Variants in RPS6KC1 observed in about 807,000 individuals in gnomAD.
The protein encoded by RPS6KC1 is inactive ribosomal protein S6 kinase delta-1.
Under a neutral mutation model 103.8 loss-of-function variants are expected in RPS6KC1, and 54 were observed. The observed-to-expected ratio is 0.52, with a 90% CI of 0.42 to 0.65. The LOEUF (loss-of-function observed/expected upper bound fraction) is 0.65, where lower values mean the gene tolerates loss of function less well. Among genes scored for constraint, RPS6KC1 ranks in the 30% least tolerant of loss-of-function variants. The pLI is 0.00. For missense variants in RPS6KC1, 1,151 were observed against 1,253.8 expected (o/e 0.92, Z 1.24); for synonymous variants, 439 against 438.7 (o/e 1.00, Z -0.01).
chr1:213,751,813 T>A, the RPS6KC1 span, among the ~76,000 whole-genome samples: 1 of 152,166 alleles, frequency 6.6e-6, no homozygotes, highest in Non-Finnish European at 1.5e-5. Context: ...GGAGGTTAAA[T>A]GAGAAAATAT....
chr1:213,739,795 T>C, the RPS6KC1 span, among the ~76,000 whole-genome samples: 2 of 152,356 alleles, frequency 1.3e-5, no homozygotes, highest in East Asian at 3.9e-4. Flanking sequence ...AGTTAAGTGC[T>C]AGAAATTCAG....
At position 213,117,365 on chromosome 1, in the gene RPS6KC1, C is replaced by T. The variant is rs2083774879; in HGVS notation, c.427C>T (p.His143Tyr). ...TGAATTAATTGGTCCTGCTGAAGCT[C>T]ACTCAGATTCCCTCATTGATACCTT... Reference protein sequence around the residue: ...SSELIGPAEAHSDSLIDTFPE... With the variant: ...SSELIGPAEAYSDSLIDTFPE... Residue 143 changes from histidine to tyrosine, a missense_variant, in exon 5 of 15, where the codon CAC (histidine) becomes TAC (tyrosine). Physicochemically the swap from His to Tyr is moderately conservative, Grantham distance 83. Around this residue, in one of 3 missense-constraint regions of RPS6KC1, gnomAD observed 959 missense variants for 1,006.3 expected, o/e 0.95. Coordinates refer to ENST00000366960, the MANE Select transcript of RPS6KC1 (RefSeq NM_012424.6). The T allele has an allele frequency of 1.2e-6, 2 of 1,611,150 alleles. No individual in the cohort carries two copies. Among genetic ancestry groups the T allele is most frequent in the Non-Finnish European group, 1.7e-6 (2 of 1,177,738 alleles).
chr1:213,197,720 G>A (rs193147348), intron 8 of RPS6KC1, among the ~76,000 whole-genome samples: 2 of 152,070 alleles, frequency 1.3e-5, no homozygotes, highest in Non-Finnish European at 2.9e-5. Flanking sequence ...GAGTCTTTAG[G>A]GTTTTCTAGG....
At chr1:213,434,209 A>G in the RPS6KC1 span, among the ~76,000 whole-genome samples, 1 of 151,894 alleles carries the variant, frequency 6.6e-6, no homozygotes, top group Non-Finnish European at 1.5e-5. Flanking sequence ...CTTCTGCCTA[A>G]AGGACGTCCT....
chr1:213,705,621 AAAAC>A, the RPS6KC1 span, among the ~76,000 whole-genome samples: 2 of 152,236 alleles, frequency 1.3e-5, no homozygotes, highest in African/African-American at 4.8e-5. Flanking sequence ...CATAGAACGT[AAAAC>A]AAAGTGCCCA....
At chr1:213,824,058 C>A in the RPS6KC1 span, among the ~76,000 whole-genome samples, 1 of 152,124 alleles carries the variant, frequency 6.6e-6, no homozygotes, top group Admixed American at 6.5e-5. Flanking sequence ...CTCCTACTGT[C>A]CCCCCTGTCC....
the RPS6KC1 span, among the ~76,000 whole-genome samples, chr1:213,294,500 G>GA: frequency 1.3e-5 from 2 of 152,116 alleles, no homozygotes; most frequent in Non-Finnish European, 2.9e-5. Flanking sequence ...CTTCATAGCT[G>GA]AATTTCAGTC....
intron 4 of RPS6KC1, among the ~76,000 whole-genome samples, chr1:213,106,362 C>T (rs2082498946): frequency 6.6e-6 from 1 of 152,076 alleles, no homozygotes; most frequent in Admixed American, 6.5e-5. Context: ...TCAGTAATGT[C>T]ATCAGTGACA....
the RPS6KC1 span, among the ~76,000 whole-genome samples, chr1:213,787,928 G>C: frequency 6.6e-6 from 1 of 152,116 alleles, no homozygotes. Flanking sequence ...TGAGGGAGTG[G>C]AGGCCAGGAC....
At chr1:213,174,772 G>C (rs979433993) in intron 7 of RPS6KC1, among the ~76,000 whole-genome samples, 2 of 151,378 alleles carry the variant, frequency 1.3e-5, no homozygotes, top group African/African-American at 4.9e-5. Context: ...CCCTAAAAAG[G>C]TTCCCCTTAG....
the RPS6KC1 span, among the ~76,000 whole-genome samples, chr1:213,647,432 A>G: frequency 1.3e-5 from 2 of 152,206 alleles, no homozygotes; most frequent in Non-Finnish European, 2.9e-5. Context: ...TCCAGAAATA[A>G]TATGAGTGAA....
the RPS6KC1 span, among the ~76,000 whole-genome samples, chr1:213,308,331 AAAAG>A: frequency 4.6e-5 from 7 of 151,574 alleles, no homozygotes; most frequent in South Asian, 6.3e-4. Context: ...AAAAAAAAAA[AAAAG>A]AGAGAAAGAA....
At chr1:213,725,102 C>T in the RPS6KC1 span, among the ~76,000 whole-genome samples, 9 of 152,170 alleles carry the variant, frequency 5.9e-5, no homozygotes, top group African/African-American at 2.2e-4. Context: ...AACGTCTTAC[C>T]AGAGGACTAA....
intron 1 of RPS6KC1, among the ~76,000 whole-genome samples, chr1:213,066,004 G>C (rs1231850445): frequency 6.6e-6 from 1 of 152,186 alleles, no homozygotes; most frequent in Non-Finnish European, 1.5e-5. Flanking sequence ...TTTCTTATCT[G>C]TAAAAGGGGA....
the RPS6KC1 span, among the ~76,000 whole-genome samples, chr1:213,853,409 C>T: frequency 6.6e-6 from 1 of 152,186 alleles, no homozygotes; most frequent in South Asian, 2.1e-4. Context: ...CTTCATCTGT[C>T]AAATGAGGAT....
At chr1:213,677,947 A>G in the RPS6KC1 span, among the ~76,000 whole-genome samples, 2 of 152,158 alleles carry the variant, frequency 1.3e-5, no homozygotes, top group East Asian at 3.9e-4. Context: ...CAGAGGTTGC[A>G]GTGAGCCAAG....
At chr1:213,214,989 A>G (rs1185737730) in intron 8 of RPS6KC1, among the ~76,000 whole-genome samples, 3 of 152,256 alleles carry the variant, frequency 2.0e-5, no homozygotes, top group Admixed American at 1.3e-4. Flanking sequence ...CTCCAAAGGA[A>G]CACAGCTCCT....
intron 4 of RPS6KC1, among the ~76,000 whole-genome samples, chr1:213,107,020 A>C (rs1391345558): frequency 6.6e-6 from 1 of 151,978 alleles, no homozygotes; most frequent in East Asian, 1.9e-4. Context: ...GGCTAACCGC[A>C]ACCTCTTGCC....
At chr1:213,675,035 T>C in the RPS6KC1 span, among the ~76,000 whole-genome samples, 1 of 152,212 alleles carries the variant, frequency 6.6e-6, no homozygotes, top group Non-Finnish European at 1.5e-5. Flanking sequence ...ATTCTGGGTA[T>C]TAGACCTTTG....
Sources: allele counts gnomAD v4.1 joint callset (sites outside exome capture counted in the v4.1 genomes callset), GRCh38; gene constraint gnomAD v4.1.1; regional missense constraint gnomAD v4.1.1; transcripts MANE v1.5; gene names NCBI Gene and HGNC (gene_info 2026-07-23, HGNC 2026-07-21).